The following TERB2 variants were observed in gnomAD, a reference collection of about 807,000 sequenced individuals.
TERB2 encodes the protein telomere repeats-binding bouquet formation protein 2.
In TERB2, 26 loss-of-function variants were observed where a neutral mutation model predicts 29.8. That is an observed-to-expected ratio of 0.87 (90% CI 0.64 to 1.21). The LOEUF is 1.21. TERB2 is among the 50% of genes most tolerant of loss of function. The pLI, the probability that TERB2 is intolerant of heterozygous loss-of-function variation, is 0.00. For missense variants in TERB2, 240 were observed against 268.6 expected (o/e 0.89, Z 0.74); for synonymous variants, 80 against 90.8 (o/e 0.88, Z 0.68).
At chr15:44,957,573 T>C (rs1413462562) in intron 2 of TERB2, among the ~76,000 whole-genome samples, 1 of 152,204 alleles carries the variant, frequency 6.6e-6, no homozygotes, top group African/African-American at 2.4e-5. Context: ...ACGCCATGAA[T>C]CAGTCAGAGG....
In TERB2 at chr15:44,958,510, A is replaced by G. The variant is rs1163734881; in HGVS notation, c.284A>G (p.Lys95Arg). Reference protein sequence around the residue: ...HFILPPACLQKEIRRKIGSFI... With the variant: ...HFILPPACLQREIRRKIGSFI... ...ATTCTTCCTCCTGCGTGCCTGCAAA[A>G]AGGTTAGCAAAGATCATTCAGCCAA... is the stretch of plus-strand genomic sequence containing the variant. Residue 95 changes from lysine (K) to arginine (R), a missense_variant and splice_region_variant, in exon 3 of 7, where the codon AAA (lysine) becomes AGA (arginine). Lys to Arg is a conservative substitution (Grantham distance 26, BLOSUM62 2). Transcript: ENST00000340827. 6.2e-7 allele frequency: 1 copy of G among 1,606,786 alleles called. No individual in the cohort carries two copies. Among genetic ancestry groups the G allele is most frequent in the Admixed American group, 1.7e-5 (1 of 58,812 alleles).
At chr15:44,966,830 G>A (rs1891897352) in intron 5 of TERB2, among the ~76,000 whole-genome samples, 2 of 152,240 alleles carry the variant, frequency 1.3e-5, no homozygotes, top group Non-Finnish European at 2.9e-5. Flanking sequence ...TGGGCATTGT[G>A]CCGCATGCTT....
At chr15:44,960,595 T>A (rs1891785596) in intron 3 of TERB2, among the ~76,000 whole-genome samples, 1 of 152,114 alleles carries the variant, frequency 6.6e-6, no homozygotes, top group Non-Finnish European at 1.5e-5. Context: ...AAAATATTAT[T>A]TCAATATATA....
At chr15:44,971,473 C>T (rs1476791390) in intron 5 of TERB2, among the ~76,000 whole-genome samples, 2 of 152,080 alleles carry the variant, frequency 1.3e-5, no homozygotes, top group Non-Finnish European at 2.9e-5. Context: ...GAAAGTATTC[C>T]AGCTGGGTGC....
chr15:44,968,086 C>A (rs1891913880), intron 5 of TERB2, among the ~76,000 whole-genome samples: 3 of 136,822 alleles, frequency 2.2e-5, no homozygotes, highest in African/African-American at 8.6e-5. Context: ...CCTGCTGAAG[C>A]ATTTGTTAGC....
intron 6 of TERB2, among the ~76,000 whole-genome samples, chr15:44,974,906 C>T (rs1331191975): frequency 1.3e-5 from 2 of 151,986 alleles, no homozygotes; most frequent in Non-Finnish European, 2.9e-5. Context: ...ACTTACCAAA[C>T]ATTTATTAAT....
chr15:44,978,513 A>C lies in TERB2; in HGVS notation c.548A>C (p.Lys183Thr). ...VTGYISIDAM[K>T]KFLGELHDFI... ...GGTTATATATCAATTGATGCCATGA[A>C]GAAATTCCTTGGGGAGCTACATGAC... Residue 183 changes from lysine to threonine, a missense_variant, in exon 7 of 7, where the codon AAG becomes ACG. Transcript: ENST00000340827. 6.2e-7 allele frequency: 1 copy of C among 1,605,322 alleles called. No individual in the cohort carries two copies. The highest frequency in any genetic ancestry group is 2.2e-5 in the East Asian group (1 of 44,706).
intron 5 of TERB2, among the ~76,000 whole-genome samples, chr15:44,966,932 C>A (rs780697793): frequency 3.2e-4 from 48 of 152,114 alleles, no homozygotes; most frequent in Admixed American, 1.4e-3. Flanking sequence ...TACCCCACCT[C>A]TATAAAAAAT....
chr15:44,965,056 G>A (rs1199101855), intron 4 of TERB2, among the ~76,000 whole-genome samples: 2 of 149,394 alleles, frequency 1.3e-5, no homozygotes, highest in Non-Finnish European at 3.0e-5. Context: ...TCAACTACTC[G>A]AGAGGCTGAG....
intron 4 of TERB2, among the ~76,000 whole-genome samples, chr15:44,965,785 C>T (rs1334999594): frequency 6.6e-6 from 1 of 151,234 alleles, no homozygotes; most frequent in Non-Finnish European, 1.5e-5. Context: ...AAGTTTAAAT[C>T]AGTAGCAAGA....
In TERB2 at chr15:44,956,731, C is replaced by A; in HGVS notation, c.13C>A (p.Gln5Lys). The A allele has an allele frequency of 6.2e-7, 1 of 1,610,822 alleles. No individual in the cohort carries two copies. Residue 5 changes from glutamine to lysine, a missense_variant, in exon 1 of 7, where the codon CAG (glutamine) becomes AAG (lysine). Physicochemically the swap from Gln to Lys is moderately conservative, Grantham distance 53 (BLOSUM62 1). Coordinates refer to ENST00000340827, the MANE Select transcript of TERB2 (RefSeq NM_152448.3). Reference protein sequence around the residue: MFQGQRGWFCGSVSQ... With the variant: MFQGKRGWFCGSVSQ... ...GCTTGGCGACGCCATGTTTCAAGGGCAGCGCGGTTGGTTTTGCGGCAGCGT... is the reference window on the plus strand; with the variant it reads ...GCTTGGCGACGCCATGTTTCAAGGGAAGCGCGGTTGGTTTTGCGGCAGCGT...
chr15:44,978,806 T>C lies in TERB2; in HGVS notation c.*178T>C. On this transcript the variant is annotated 3_prime_UTR_variant, in exon 7 of 7. Transcript: ENST00000340827. The stretch of plus-strand genomic sequence containing the variant: ...ATTTTGGTTCTGTGTTTTGACATTT[T>C]TCCCCTAGCTTTTAACAACATGTTC... 1.3e-6 allele frequency: 1 copy of C among 790,922 alleles called. No individual in the cohort carries two copies. The highest frequency in any genetic ancestry group is 3.7e-5 in the East Asian group (1 of 27,170). 49.0% of individuals were successfully genotyped at this position (790,922 alleles called of 1,614,324 possible).
At chr15:44,975,383 T>C (rs1389961381) in intron 6 of TERB2, among the ~76,000 whole-genome samples, 2 of 152,074 alleles carry the variant, frequency 1.3e-5, no homozygotes, top group African/African-American at 4.8e-5. Flanking sequence ...AATCAGCTTG[T>C]GTTAATTAAA....
chr15:44,961,820 C>G (rs961707720), intron 4 of TERB2, among the ~76,000 whole-genome samples: 2 of 152,184 alleles, frequency 1.3e-5, no homozygotes, highest in African/African-American at 4.8e-5. Context: ...CTGCCTCAGC[C>G]TCCCAAGTAG....
At chr15:44,958,950 G>A (rs553652063) in intron 3 of TERB2, among the ~76,000 whole-genome samples, 230 of 152,282 alleles carry the variant, frequency 1.5e-3, no homozygotes, top group Non-Finnish European at 2.1e-3. Flanking sequence ...AAACTGAGGC[G>A]GGCAGATCAC....
At chr15:44,974,051 T>C (rs1892008674) in intron 6 of TERB2, 96 bp downstream of exon 6, 1 of 1,165,220 alleles carries the variant, frequency 8.6e-7, no homozygotes. Flanking sequence ...ACCTAGAGAG[T>C]AGAGCCTTCT....
chr15:44,972,014 A>T (rs1236501374), intron 5 of TERB2, among the ~76,000 whole-genome samples: 4 of 109,378 alleles, frequency 3.7e-5, no homozygotes, highest in Admixed American at 1.2e-4. Flanking sequence ...TTTGAGACAG[A>T]GTTTCGTTCT....
chr15:44,962,170 G>A (rs1891815187), intron 4 of TERB2, among the ~76,000 whole-genome samples: 1 of 150,926 alleles, frequency 6.6e-6, no homozygotes, highest in African/African-American at 2.4e-5. Flanking sequence ...CAGGTGCATA[G>A]TATTTACCAG....
At chr15:44,963,853 A>G (rs1448413043) in intron 4 of TERB2, among the ~76,000 whole-genome samples, 3 of 123,884 alleles carry the variant, frequency 2.4e-5, no homozygotes, top group Admixed American at 1.1e-4. Context: ...TTCTGTCGCC[A>G]GGGTGGAGTG....
Sources: allele counts gnomAD v4.1 joint callset (sites outside exome capture counted in the v4.1 genomes callset), GRCh38; gene constraint gnomAD v4.1.1; transcripts MANE v1.5; gene names NCBI Gene and HGNC (gene_info 2026-07-23, HGNC 2026-07-21).